Variants in ZMYM2 observed in about 807,000 individuals in gnomAD.
ZMYM2 encodes zinc finger MYM-type containing 2.
In ZMYM2, 56 loss-of-function variants were observed where a neutral mutation model predicts 162.8. The observed-to-expected ratio is 0.34, with a 90% CI of 0.28 to 0.43. The LOEUF is 0.43. Among genes scored for constraint, ZMYM2 ranks in the 20% least tolerant of loss-of-function variants. The probability of loss-of-function intolerance (pLI) is 1.00; values close to 1 mark genes in which losing one functional copy is unlikely to be tolerated. For synonymous variants in ZMYM2, 510 were observed against 541.6 expected (o/e 0.94, Z 0.81); for missense variants, 1,275 against 1,621.8 (o/e 0.79, Z 3.67).
In ZMYM2 at chr13:20,001,583, G is replaced by A. The variant is rs79534283; in HGVS notation, c.848-1267G>A. Among the ~76,000 whole-genome samples, 306 of 152,220 alleles carry A rather than the reference G, an allele frequency of 2.0e-3. 9 individuals are homozygous for A. The East Asian group carries it at 0.041, about 20-fold the overall frequency. On this transcript the variant is annotated intron_variant, in intron 3 of 24. Transcript: ENST00000610343. ...GACAACAAAGGATTTAGAGTATTAC[G>A]TAAACTTAGTTGATAAAGGAGTTGC...
the ZMYM2 span, among the ~76,000 whole-genome samples, chr13:19,912,239 T>TA: frequency 6.7e-6 from 1 of 149,552 alleles, no homozygotes; most frequent in African/African-American, 2.4e-5. Flanking sequence ...ACATCAGAGA[T>TA]ACATCAACCC....
the ZMYM2 span, among the ~76,000 whole-genome samples, chr13:19,884,803 A>C: frequency 6.6e-6 from 1 of 152,120 alleles, no homozygotes; most frequent in Non-Finnish European, 1.5e-5. Flanking sequence ...CAAAATCTTC[A>C]ACAAGCCATA....
At chr13:20,022,121 GT>G (rs1952164527) in intron 7 of ZMYM2, among the ~76,000 whole-genome samples, 1 of 152,112 alleles carries the variant, frequency 6.6e-6, no homozygotes, top group South Asian at 2.1e-4. Context: ...GAAAACCATT[GT>G]TTTTTTGTGT....
chr13:20,029,104 C>T (rs1384955990), intron 9 of ZMYM2, among the ~76,000 whole-genome samples: 1 of 152,148 alleles, frequency 6.6e-6, no homozygotes, highest in Non-Finnish European at 1.5e-5. Flanking sequence ...TACAGAATAC[C>T]TTAGACTGGT....
chr13:20,068,173 T>G (rs1956821305), intron 21 of ZMYM2: 1 of 181,290 alleles, frequency 5.5e-6, no homozygotes, highest in African/African-American at 2.4e-5. Flanking sequence ...ATCATATATC[T>G]TGCAGTAGCA....
At chr13:20,079,014 T>TA (rs869287672) in intron 21 of ZMYM2, among the ~76,000 whole-genome samples, 239 of 144,012 alleles carry the variant, frequency 1.7e-3, no homozygotes, top group African/African-American at 4.4e-3. Flanking sequence ...AATTTATATT[T>TA]AAAAAAAAAA....
the ZMYM2 span, among the ~76,000 whole-genome samples, chr13:19,894,891 G>A: frequency 6.6e-6 from 1 of 151,562 alleles, no homozygotes; most frequent in African/African-American, 2.4e-5. Flanking sequence ...AGGAGTTTTA[G>A]ATCAGCCTGG....
chr13:19,873,853 C>A, the ZMYM2 span, among the ~76,000 whole-genome samples: 1 of 152,240 alleles, frequency 6.6e-6, no homozygotes, highest in Non-Finnish European at 1.5e-5. Flanking sequence ...TCACCCCATA[C>A]TCATCTGGGC....
intron 14 of ZMYM2, among the ~76,000 whole-genome samples, chr13:20,055,279 C>T (rs778847654): frequency 2.0e-4 from 30 of 152,082 alleles, no homozygotes; most frequent in South Asian, 2.1e-4. Flanking sequence ...ACCCCTTAAT[C>T]GATACTTAAG....
chr13:19,947,565 T>A, the ZMYM2 span, among the ~76,000 whole-genome samples: 1 of 149,442 alleles, frequency 6.7e-6, no homozygotes, highest in African/African-American at 2.5e-5. Context: ...TTCGAGCGAT[T>A]CTCCTGCCTC....
chr13:20,008,784 TA>T (rs1454178151), intron 6 of ZMYM2, among the ~76,000 whole-genome samples: 1 of 152,076 alleles, frequency 6.6e-6, no homozygotes, highest in Non-Finnish European at 1.5e-5. Flanking sequence ...ATTTGCTTTA[TA>T]AAAATGTCCA....
the ZMYM2 span, among the ~76,000 whole-genome samples, chr13:19,938,339 T>C: frequency 6.1e-4 from 93 of 152,166 alleles, no homozygotes; most frequent in Non-Finnish European, 1.2e-3. Flanking sequence ...AAACCCTGTC[T>C]CTACTAAAAA....
At chr13:20,029,429 A>G (rs901842706) in intron 9 of ZMYM2, among the ~76,000 whole-genome samples, 4 of 152,242 alleles carry the variant, frequency 2.6e-5, no homozygotes, top group Non-Finnish European at 4.4e-5. Flanking sequence ...AGACTGTAGC[A>G]TATTCCATTT....
the ZMYM2 span, among the ~76,000 whole-genome samples, chr13:19,944,937 C>T: frequency 6.6e-6 from 1 of 152,106 alleles, no homozygotes; most frequent in Non-Finnish European, 1.5e-5. Flanking sequence ...TCCCAAAGTG[C>T]TGGGATTACA....
At chr13:19,971,889 A>G (rs1566184115) in intron 2 of ZMYM2, among the ~76,000 whole-genome samples, 1 of 152,142 alleles carries the variant, frequency 6.6e-6, no homozygotes. Flanking sequence ...AACTAGATGT[A>G]GAGAGTAGGC....
chr13:19,885,889 A>ATGTGTGTATACACACATATG, the ZMYM2 span, among the ~76,000 whole-genome samples: 4 of 33,278 alleles, frequency 1.2e-4, 1 homozygote, highest in Admixed American at 4.4e-4. Flanking sequence ...ACACATATAT[A>ATGTGTGTATACACACATATG]TGTGTATACA....
intron 6 of ZMYM2, among the ~76,000 whole-genome samples, chr13:20,016,370 T>C (rs1169072318): frequency 6.6e-6 from 1 of 152,178 alleles, no homozygotes; most frequent in Non-Finnish European, 1.5e-5. Flanking sequence ...TGCATATTTG[T>C]CTTTAAAATC....
At chr13:19,879,043 T>A in the ZMYM2 span, among the ~76,000 whole-genome samples, 1 of 152,234 alleles carries the variant, frequency 6.6e-6, no homozygotes, top group African/African-American at 2.4e-5. Flanking sequence ...ACCTTTACTG[T>A]CAGAACTAAG....
At chr13:19,972,226 A>G (rs963608330) in intron 2 of ZMYM2, among the ~76,000 whole-genome samples, 8 of 152,194 alleles carry the variant, frequency 5.3e-5, no homozygotes, top group African/African-American at 1.9e-4. Context: ...ATCATTTTCT[A>G]AAGCCAGACT....
Sources: gnomAD v4.1 joint callset for allele counts (sites outside exome capture counted in the v4.1 genomes callset) on GRCh38, gnomAD v4.1.1 for gene constraint, MANE v1.5 for transcripts, NCBI Gene and HGNC (gene_info 2026-07-23, HGNC 2026-07-21) for gene names.